The following SCN11A variants were observed in gnomAD, a reference collection of about 807,000 sequenced individuals.
The protein encoded by SCN11A is sodium voltage-gated channel alpha subunit 11.
In SCN11A, 122 loss-of-function variants were observed where a neutral mutation model predicts 162.2. That is an observed-to-expected ratio of 0.75 (90% CI 0.65 to 0.87). SCN11A has a LOEUF of 0.87. Ranked by LOEUF, SCN11A falls within the 40% of genes least tolerant of loss-of-function variation. The pLI, the probability that SCN11A is intolerant of heterozygous loss-of-function variation, is 0.00. For synonymous variants in SCN11A, 758 were observed against 751.5 expected, an observed-to-expected ratio of 1.01 and a Z score of -0.14; for missense variants, 2,015 against 2,181.6, an observed-to-expected ratio of 0.92 and a Z score of 1.52.
At chr3:39,033,767 G>A (rs1461484596) in intron 1 of SCN11A, among the ~76,000 whole-genome samples, 1 of 151,992 alleles carries the variant, frequency 6.6e-6, no homozygotes, top group East Asian at 1.9e-4. Context: ...AAAAATATTT[G>A]AAAAAAACTC....
At chr3:38,929,135 G>GCACACACA (rs748169973) in intron 7 of SCN11A, among the ~76,000 whole-genome samples, 250 of 66,692 alleles carry the variant, frequency 3.7e-3, no homozygotes, top group Middle Eastern at 7.4e-3. Flanking sequence ...GTCTGTGCAC[G>GCACACACA]CACACACACA....
rs1575280153 is a variant in SCN11A at position 38,910,103 on chromosome 3, A to G, written c.1064T>C (p.Leu355Pro). Residue 355 changes from leucine (L) to proline (P), a missense_variant, in exon 12 of 30, where the codon CTG becomes CCG. Leu to Pro is a moderately conservative substitution (Grantham distance 98, BLOSUM62 -3). Transcript: ENST00000302328. The stretch of plus-strand genomic sequence containing the variant: ...CTTCTCCCAGGAATCTTGGGTCATC[A>G]GCCGGAACATGGCAAGAAAAGACCA... ...FGWSFLAMFR[L>P]MTQDSWEKLY... 6.2e-7 allele frequency: 1 copy of G among 1,614,000 alleles called. No homozygotes were observed. The highest frequency in any genetic ancestry group is 8.5e-7 in the Non-Finnish European group (1 of 1,179,944).
chr3:38,895,634 T>C lies in SCN11A; in HGVS notation c.2404-670A>G, dbSNP rs142559572. ...TTTGTGGCTCTCTTCAGCTCGACAA[T>C]AGACAGCCTTTGGAGAGAAGTGCCT... On this transcript the variant is annotated intron_variant, in intron 18 of 29. Coordinates refer to ENST00000302328, the MANE Select transcript of SCN11A (RefSeq NM_001349253.2). 3.7e-4 allele frequency among the ~76,000 whole-genome samples: 57 copies of C among 152,342 alleles called. 1 individual carries two copies. The Middle Eastern group carries it at 0.02, about 55-fold the overall frequency.
At chr3:39,025,980 TAA>T (rs756512640) in intron 2 of SCN11A, 2 of 152,176 alleles carry the variant, frequency 1.3e-5, no homozygotes, top group South Asian at 2.1e-4. Context: ...CAAAAATACT[TAA>T]AAGAGTACTT....
At chr3:38,968,620 G>A (rs775613460) in intron 2 of SCN11A, among the ~76,000 whole-genome samples, 8 of 151,928 alleles carry the variant, frequency 5.3e-5, no homozygotes, top group African/African-American at 1.9e-4. Flanking sequence ...ACACACATAT[G>A]CTTACACATG....
intron 27 of SCN11A, 40 bp downstream of exon 27, chr3:38,867,281 A>C: frequency 6.3e-7 from 1 of 1,581,268 alleles, no homozygotes; most frequent in Non-Finnish European, 8.7e-7. Flanking sequence ...TTTGGAGGAC[A>C]GAGATAAAAT....
intron 2 of SCN11A, among the ~76,000 whole-genome samples, chr3:39,029,722 C>T (rs781599106): frequency 6.6e-6 from 1 of 152,218 alleles, no homozygotes; most frequent in African/African-American, 2.4e-5. Context: ...AAAAAGGGTC[C>T]ATTGGACAGT....
intron 9 of SCN11A, among the ~76,000 whole-genome samples, chr3:38,922,310 T>C (rs1014092255): frequency 1.3e-5 from 2 of 152,306 alleles, no homozygotes; most frequent in East Asian, 1.9e-4. Flanking sequence ...ATATCACCAA[T>C]TGAAGGCAAA....
At chr3:39,009,922 C>G (rs2125602073) in intron 2 of SCN11A, among the ~76,000 whole-genome samples, 1 of 148,352 alleles carries the variant, frequency 6.7e-6, no homozygotes, top group South Asian at 2.1e-4. Flanking sequence ...TGGGCTCAAG[C>G]TATCCTCCTA....
chr3:38,990,595 G>C (rs951816258), intron 2 of SCN11A, among the ~76,000 whole-genome samples: 1 of 152,184 alleles, frequency 6.6e-6, no homozygotes, highest in African/African-American at 2.4e-5. Context: ...AAGGAAACAA[G>C]TGCTGGGCCT....
chr3:39,027,084 C>T (rs557758937), intron 2 of SCN11A, among the ~76,000 whole-genome samples: 2 of 152,032 alleles, frequency 1.3e-5, no homozygotes, highest in African/African-American at 2.4e-5. Flanking sequence ...CCATGGAGGC[C>T]ACTTCCAGGA....
intron 1 of SCN11A, among the ~76,000 whole-genome samples, chr3:39,036,587 T>C (rs1383586241): frequency 2.0e-5 from 3 of 151,988 alleles, no homozygotes; most frequent in African/African-American, 7.3e-5. Context: ...CGGGAAAAAA[T>C]ATTTGCAAAC....
At chr3:38,989,990 T>C (rs991406064) in intron 2 of SCN11A, among the ~76,000 whole-genome samples, 2 of 152,180 alleles carry the variant, frequency 1.3e-5, no homozygotes, top group Non-Finnish European at 2.9e-5. Context: ...TTTGCACCTT[T>C]CCAATAAAAG....
At chr3:38,914,609 T>C (rs1225857393) in intron 11 of SCN11A, among the ~76,000 whole-genome samples, 1 of 152,226 alleles carries the variant, frequency 6.6e-6, no homozygotes, top group Non-Finnish European at 1.5e-5. Flanking sequence ...TTCAGTATGA[T>C]GTTGGCTGTA....
chr3:38,850,270 T>A, intron 29 of SCN11A: 1 of 546,802 alleles, frequency 1.8e-6, no homozygotes, highest in Non-Finnish European at 3.2e-6. Flanking sequence ...CTATTTCAGT[T>A]GTGTAGTGAG....
At chr3:38,852,115 T>C (rs2064791751) in intron 28 of SCN11A, among the ~76,000 whole-genome samples, 1 of 152,138 alleles carries the variant, frequency 6.6e-6, no homozygotes, top group Admixed American at 6.6e-5. Flanking sequence ...ATGACATTAA[T>C]ACTGATATGA....
chr3:39,013,676 C>T (rs1410524692), intron 2 of SCN11A, among the ~76,000 whole-genome samples: 4 of 152,210 alleles, frequency 2.6e-5, no homozygotes, highest in African/African-American at 9.6e-5. Context: ...TATGCTTCTA[C>T]CTAACATAAA....
intron 27 of SCN11A, 114 bp downstream of exon 27, chr3:38,867,207 T>C (rs1455727922): frequency 9.3e-6 from 9 of 967,632 alleles, no homozygotes; most frequent in South Asian, 1.6e-5. Flanking sequence ...CTCCTTGTTA[T>C]TGTGCAGATC....
intron 2 of SCN11A, among the ~76,000 whole-genome samples, chr3:38,998,837 C>T (rs868317433): frequency 7.0e-6 from 1 of 141,960 alleles, no homozygotes; most frequent in East Asian, 2.1e-4. Context: ...TGTTCTCACT[C>T]ATAGGTGGGA....
Sources: allele counts gnomAD v4.1 joint callset (sites outside exome capture counted in the v4.1 genomes callset), GRCh38; gene constraint gnomAD v4.1.1; transcripts MANE v1.5; gene names NCBI Gene and HGNC (gene_info 2026-07-23, HGNC 2026-07-21).